Variants in PAPPA2 observed in about 807,000 individuals in gnomAD.
PAPPA2 encodes pappalysin-2.
In PAPPA2, 86 loss-of-function variants were observed where a neutral mutation model predicts 176.4. The observed-to-expected ratio is 0.49, with a 90% CI of 0.41 to 0.58. The LOEUF (loss-of-function observed/expected upper bound fraction) is 0.58. PAPPA2 is among the 20% of genes least tolerant of loss of function. The pLI is 0.00. For missense variants in PAPPA2, 2,073 were observed against 2,256.9 expected (o/e 0.92, Z 1.65); for synonymous variants, 809 against 852.2 (o/e 0.95, Z 0.88).
chr1:176,597,707 A>G (rs1654061892), intron 3 of PAPPA2, among the ~76,000 whole-genome samples: 1 of 152,072 alleles, frequency 6.6e-6, no homozygotes, highest in Non-Finnish European at 1.5e-5. Flanking sequence ...AGAAAAGAAA[A>G]TTGTGTTTGG....
intron 2 of PAPPA2, among the ~76,000 whole-genome samples, chr1:176,570,550 A>AATTAATAACTT: frequency 6.6e-6 from 1 of 152,122 alleles, no homozygotes; most frequent in Admixed American, 6.5e-5. Context: ...ATTGCACAAT[A>AATTAATAACTT]GAATATTCTT....
At chr1:176,522,990 G>A (rs1649290780) in intron 1 of PAPPA2, among the ~76,000 whole-genome samples, 1 of 151,994 alleles carries the variant, frequency 6.6e-6, no homozygotes, top group Non-Finnish European at 1.5e-5. Context: ...TTATTGTGCT[G>A]GATTCATCAG....
intron 12 of PAPPA2, among the ~76,000 whole-genome samples, chr1:176,730,827 T>A (rs969815223): frequency 2.0e-5 from 3 of 152,166 alleles, no homozygotes; most frequent in Non-Finnish European, 2.9e-5. Flanking sequence ...TATTTTGTAA[T>A]GCTCTTATAA....
At chr1:176,691,025 T>C (rs1294064617) in intron 5 of PAPPA2, 1 of 985,130 alleles carries the variant, frequency 1.0e-6, no homozygotes, top group Non-Finnish European at 1.2e-6. Flanking sequence ...TTTAAAAAAA[T>C]GGCATCTTCC....
At chr1:176,704,747 G>A (rs928250134) in intron 9 of PAPPA2, among the ~76,000 whole-genome samples, 2 of 152,042 alleles carry the variant, frequency 1.3e-5, no homozygotes, top group African/African-American at 4.8e-5. Context: ...GTTGAATTCA[G>A]ATGTGCTGTA....
chr1:176,794,399 A>G (rs755530636), intron 20 of PAPPA2, among the ~76,000 whole-genome samples: 10 of 152,206 alleles, frequency 6.6e-5, no homozygotes, highest in Non-Finnish European at 1.3e-4. Flanking sequence ...TCTAGCACAT[A>G]GTTCTTAATT....
rs575206332 is a variant in PAPPA2, at chr1:176,610,032, G to A, written c.1991+14437G>A. ...TATAGTAATAAGGATTCATCATGAG[G>A]CAGAAAGCACGAAACATGAATCACC... On this transcript the variant is annotated intron_variant, in intron 3 of 22. Coordinates refer to ENST00000367662, the MANE Select transcript of PAPPA2 (RefSeq NM_020318.3). Among the ~76,000 whole-genome samples, 149 of 152,182 alleles carry A rather than the reference G, an allele frequency of 9.8e-4. 1 individual carries two copies. Among genetic ancestry groups the A allele is most frequent in the Non-Finnish European group, 1.6e-3 (108 of 68,014 alleles).
In PAPPA2 at chr1:176,632,900, AGAG is replaced by A. The variant is rs145656881; in HGVS notation, c.1991+37312_1991+37314del. Among the ~76,000 whole-genome samples, 487 of 152,244 alleles carry A rather than the reference AGAG, an allele frequency of 3.2e-3. 3 individuals are homozygous for A. The highest frequency in any genetic ancestry group is 0.011 in the African/African-American group (465 of 41,524). ...CAACAATCAACAAGATGAAGCTGGG[AGAG>A]GAGGAGAAGGAGAGGAGAAAGGAGA... On this transcript the variant is annotated intron_variant, in intron 3 of 22. Transcript: ENST00000367662.
chr1:176,573,340 T>C (rs1652463461), intron 2 of PAPPA2, among the ~76,000 whole-genome samples: 1 of 152,140 alleles, frequency 6.6e-6, no homozygotes, highest in African/African-American at 2.4e-5. Flanking sequence ...CAGGTAGCTC[T>C]CCACTTCTGT....
chr1:176,692,185 G>C lies in PAPPA2; in HGVS notation c.2491G>C (p.Asp831His). The C allele has an allele frequency of 6.2e-7, 1 of 1,613,978 alleles. No homozygotes were observed. The highest frequency in any genetic ancestry group is 8.5e-7 in the Non-Finnish European group (1 of 1,179,966). The change falls in exon 6 of 23, where the codon GAC becomes CAC. Residue 831 changes from aspartate (D) to histidine (H), a missense_variant. Physicochemically the swap from Asp to His is moderately conservative, Grantham distance 81. Coordinates refer to ENST00000367662, the MANE Select transcript of PAPPA2 (RefSeq NM_020318.3). ...NQVARMHCYL[D>H]LVYQQWTESR... Reference sequence around the variant, plus strand: ...AGTGGCCCGAATGCATTGCTATTTGGACCTAGTCTATCAGCAGTGGACTGA... The same window carrying C: ...AGTGGCCCGAATGCATTGCTATTTGCACCTAGTCTATCAGCAGTGGACTGA...
rs1196012463 is a variant in PAPPA2, at chr1:176,595,612, T to A, written c.1991+17T>A. On this transcript the variant is annotated intron_variant, in intron 3 of 22. Transcript: ENST00000367662. ...ACCCAAGAGGTAAGGGACTGGGATT[T>A]GGGGTGTCCTACTTGTAGGATGCAT... The A allele has an allele frequency of 1.9e-6, 3 of 1,591,026 alleles. No homozygotes were observed. The highest frequency in any genetic ancestry group is 1.7e-6 in the Non-Finnish European group (2 of 1,166,652).
At chr1:176,642,812 C>T (rs1327385963) in intron 3 of PAPPA2, among the ~76,000 whole-genome samples, 1 of 151,974 alleles carries the variant, frequency 6.6e-6, no homozygotes, top group East Asian at 1.9e-4. Context: ...AAATGTAACT[C>T]TGCAATCTTC....
rs570571063 is a variant in PAPPA2, at chr1:176,591,699, A to C, written c.920-2825A>C. Among the ~76,000 whole-genome samples, 4 of 152,312 alleles carry C rather than the reference A, an allele frequency of 2.6e-5. No homozygotes were observed. In the South Asian group the frequency reaches 8.3e-4, roughly 32 times the overall value. On this transcript the variant is annotated intron_variant, in intron 2 of 22. Transcript: ENST00000367662. ...TTAGTCTGTTTCTGTGCACTTATTC[A>C]TAACAGGTCCTCGTTTATCCTAACT...
chr1:176,710,344 T>C (rs1661088686), intron 11 of PAPPA2, among the ~76,000 whole-genome samples, 168 bp downstream of exon 11: 1 of 152,178 alleles, frequency 6.6e-6, no homozygotes, highest in Non-Finnish European at 1.5e-5. Context: ...AATTACATGA[T>C]GTTGGACAAG....
chr1:176,491,286 C>A (rs1647275827), intron 1 of PAPPA2, among the ~76,000 whole-genome samples: 2 of 152,214 alleles, frequency 1.3e-5, no homozygotes, highest in Non-Finnish European at 2.9e-5. Context: ...ATGTCATGCA[C>A]TATCTGTGTG....
chr1:176,675,685 AGAC>A (rs1222587603), intron 4 of PAPPA2, among the ~76,000 whole-genome samples: 1 of 152,124 alleles, frequency 6.6e-6, no homozygotes, highest in Non-Finnish European at 1.5e-5. Flanking sequence ...TTCTAGAAGA[AGAC>A]AAACAAATTG....
At chr1:176,600,079 A>G (rs1204051993) in intron 3 of PAPPA2, among the ~76,000 whole-genome samples, 1 of 152,176 alleles carries the variant, frequency 6.6e-6, no homozygotes, top group Non-Finnish European at 1.5e-5. Flanking sequence ...TCAAGCTTCT[A>G]TGATGTGTCA....
chr1:176,736,528 A>G (rs1339330153), intron 12 of PAPPA2, among the ~76,000 whole-genome samples: 1 of 147,096 alleles, frequency 6.8e-6, no homozygotes, highest in South Asian at 2.1e-4. Flanking sequence ...ATGTATATTT[A>G]TATATTTTTA....
Position 176,653,171 on chromosome 1 carries a change from G to A in PAPPA2, c.1992-17799G>A, listed in dbSNP as rs189354912. Among the ~76,000 whole-genome samples the A allele has an allele frequency of 1.2e-3, 188 of 151,808 alleles. 1 individual carries two copies. Among genetic ancestry groups the A allele is most frequent in the African/African-American group, 4.3e-3 (180 of 41,486 alleles). On this transcript the variant is annotated intron_variant, in intron 3 of 22. Coordinates refer to ENST00000367662, the MANE Select transcript of PAPPA2 (RefSeq NM_020318.3). ...TCCTCCTATGTCTCCCTAGTAAGCC[G>A]TTTTCTATTCCTTGTTCCTCCACAA...
Sources: gnomAD v4.1 joint callset for allele counts (sites outside exome capture counted in the v4.1 genomes callset) on GRCh38, gnomAD v4.1.1 for gene constraint, MANE v1.5 for transcripts, NCBI Gene and HGNC (gene_info 2026-07-23, HGNC 2026-07-21) for gene names.